UBE4B: variants seen among roughly 807,000 people sequenced by gnomAD.
The protein encoded by UBE4B is ubiquitination factor E4B, also known as ubiquitin conjugation factor E4 B.
Under a neutral mutation model 148.1 loss-of-function variants are expected in UBE4B, and 27 were observed. The observed-to-expected ratio is 0.18, with a 90% confidence interval of 0.13 to 0.25. The LOEUF (loss-of-function observed/expected upper bound fraction) is 0.25. Among genes scored for constraint, UBE4B ranks in the 10% least tolerant of loss-of-function variants. The pLI, the probability that UBE4B is intolerant of heterozygous loss-of-function variation, is 1.00. For missense variants in UBE4B, 1,170 were observed against 1,662.4 expected (o/e 0.70, Z 5.15); for synonymous variants, 596 against 619.3 (o/e 0.96, Z 0.56).
At chr1:10,174,471 C>T (rs11121525) in intron 25 of UBE4B, among the ~76,000 whole-genome samples, 33,991 of 150,368 alleles carry the variant, frequency 0.23, 5,962 homozygotes, top group African/African-American at 0.49. Flanking sequence ...GGAGCCGAGG[C>T]GGGCAGATCA....
At chr1:10,178,147 C>G (rs1646454027) in intron 25 of UBE4B, among the ~76,000 whole-genome samples, 1 of 152,096 alleles carries the variant, frequency 6.6e-6, no homozygotes, top group Non-Finnish European at 1.5e-5. Context: ...TGAAAGTGAA[C>G]AGGAGAAGGC....
intron 25 of UBE4B, among the ~76,000 whole-genome samples, chr1:10,177,116 AG>A (rs935928631): frequency 6.6e-6 from 1 of 151,938 alleles, no homozygotes; most frequent in African/African-American, 2.4e-5. Context: ...TCTGGATGCT[AG>A]GTCATATCAG....
At chr1:10,043,841 C>A (rs1244884538) in intron 1 of UBE4B, among the ~76,000 whole-genome samples, 1 of 152,072 alleles carries the variant, frequency 6.6e-6, no homozygotes, top group Non-Finnish European at 1.5e-5. Context: ...ATGTAATCAC[C>A]CCTTCAGTTG....
At position 10,126,902 on chromosome 1, in the gene UBE4B, A is replaced by G. The variant is rs371064908; in HGVS notation, c.1638+25A>G. 5.2e-5 allele frequency: 82 copies of G among 1,565,614 alleles called. No homozygotes were observed. In the African/African-American group the frequency reaches 7.2e-4, roughly 14 times the overall value. On this transcript the variant is annotated intron_variant, in intron 11 of 27. Coordinates refer to ENST00000343090, the MANE Select transcript of UBE4B (RefSeq NM_001105562.3). ...GGTAAAACTTTGTTCTTTTTCTTTA[A>G]CTCATTCAATAGATGTTTTTCTTTC...
chr1:10,062,106 C>G (rs548024713), intron 1 of UBE4B, among the ~76,000 whole-genome samples: 10 of 151,234 alleles, frequency 6.6e-5, no homozygotes, highest in African/African-American at 2.4e-4. Context: ...GACGGTGTTT[C>G]ACCATGTTGG....
rs1409525490 is a variant in UBE4B at position 10,161,883 on chromosome 1, C to CT, written c.3198+599dup. 7.9e-5 allele frequency among the ~76,000 whole-genome samples: 12 copies of CT among 152,200 alleles called. No homozygotes were observed. The South Asian group carries it at 2.3e-3, about 29-fold the overall frequency. On this transcript the variant is annotated intron_variant, in intron 23 of 27. Coordinates refer to ENST00000343090, the MANE Select transcript of UBE4B (RefSeq NM_001105562.3). The surrounding 1 kb of genome is among the most constrained non-coding windows in gnomAD (Gnocchi z 4.1). ...GGCCCTTGACAGTTGCTGGTGACTT[C>CT]TTAGATTGGCTTAGGTTTATTGATT... is the stretch of plus-strand genomic sequence containing the variant.
At chr1:10,063,711 C>T (rs1448701172) in intron 1 of UBE4B, among the ~76,000 whole-genome samples, 3 of 152,044 alleles carry the variant, frequency 2.0e-5, no homozygotes, top group African/African-American at 7.2e-5. Context: ...AGTTTGAGAC[C>T]AGCCTGGCCA....
intron 2 of UBE4B, among the ~76,000 whole-genome samples, chr1:10,087,109 G>A (rs996832465): frequency 2.0e-5 from 3 of 152,184 alleles, no homozygotes; most frequent in Non-Finnish European, 2.9e-5. Flanking sequence ...ACGCATACAG[G>A]TGTATCTATA....
intron 20 of UBE4B, among the ~76,000 whole-genome samples, chr1:10,149,899 A>T (rs1190848972): frequency 6.6e-6 from 1 of 152,192 alleles, no homozygotes; most frequent in African/African-American, 2.4e-5. Flanking sequence ...TCATGCTTGT[A>T]GTCCCAGACA....
intron 1 of UBE4B, among the ~76,000 whole-genome samples, chr1:10,051,648 C>G (rs75675743): frequency 0.018 from 2,676 of 152,106 alleles, 33 homozygotes; most frequent in Non-Finnish European, 0.027. Flanking sequence ...CCTGAATGTA[C>G]TAAGAGGGTG....
rs371276917 is a variant in UBE4B at position 10,106,544 on chromosome 1, C to T, written c.1157C>T (p.Ala386Val). The change falls in exon 7 of 28, where the codon GCC becomes GTC. Residue 386 changes from alanine (A) to valine (V), a missense_variant. Around this residue, in one of 6 missense-constraint regions of UBE4B, gnomAD observed 214 missense variants for 209.1 expected, o/e 1.02. Transcript: ENST00000343090. The surrounding 1 kb of genome is among the most constrained non-coding windows in gnomAD (Gnocchi z 4.2). ...CCCCTACCACCCGCCTCACCCAGTG[C>T]CACGAGCAGACGCCCCTCCTCCCTG... Reference protein sequence around the residue: ...GPPLPPASPSATSRRPSSLRI... With the variant: ...GPPLPPASPSVTSRRPSSLRI... 6.3e-7 allele frequency: 1 copy of T among 1,593,958 alleles called. No homozygotes were observed. The highest frequency in any genetic ancestry group is 2.2e-5 in the East Asian group (1 of 44,816).
chr1:10,137,071 C>G lies in UBE4B; in HGVS notation c.2229C>G (p.Gly743=), dbSNP rs371708780. Residue 743 remains glycine (G), a synonymous_variant, in exon 17 of 28, where the codon GGC becomes GGG. Coordinates refer to ENST00000343090, the MANE Select transcript of UBE4B (RefSeq NM_001105562.3). ...GAATGATGTTATTTTTCCTAGATGGCGATCAGCCTCCATTTTCTGAGCCGA... is the reference window on the plus strand; with the variant it reads ...GAATGATGTTATTTTTCCTAGATGGGGATCAGCCTCCATTTTCTGAGCCGA... ...DVNDWLTELY[G]DQPPFSEPKF... 4 of 1,614,036 alleles carry G rather than the reference C, an allele frequency of 2.5e-6. No individual in the cohort carries two copies. The East Asian group carries it at 8.9e-5, about 36-fold the overall frequency.
At chr1:10,175,595 G>A (rs924400100) in intron 25 of UBE4B, among the ~76,000 whole-genome samples, 6 of 152,034 alleles carry the variant, frequency 3.9e-5, no homozygotes, top group South Asian at 2.1e-4. Flanking sequence ...AGCTTGCAGT[G>A]AGCCGAGATC....
At chr1:10,060,688 C>T (rs889445932) in intron 1 of UBE4B, among the ~76,000 whole-genome samples, 3 of 152,154 alleles carry the variant, frequency 2.0e-5, no homozygotes, top group African/African-American at 7.2e-5. Flanking sequence ...CATTCTTTAA[C>T]ACCTTGACTT....
At chr1:10,147,796 T>A (rs769164247) in intron 19 of UBE4B, among the ~76,000 whole-genome samples, 7 of 152,194 alleles carry the variant, frequency 4.6e-5, no homozygotes, top group Non-Finnish European at 8.8e-5. Context: ...CACTTTGTCA[T>A]CAACTGGTCA....
chr1:10,147,722 C>A (rs903767053), intron 19 of UBE4B, among the ~76,000 whole-genome samples: 13 of 152,128 alleles, frequency 8.5e-5, no homozygotes, highest in Non-Finnish European at 1.9e-4. Flanking sequence ...ATATTAGGCC[C>A]TCCTAAGCAC....
chr1:10,173,520 C>T (rs1428632019), intron 25 of UBE4B, among the ~76,000 whole-genome samples: 1 of 151,574 alleles, frequency 6.6e-6, no homozygotes, highest in Non-Finnish European at 1.5e-5. Flanking sequence ...CACACACACA[C>T]ACAAACACTG....
intron 21 of UBE4B, 96 bp from the exon 22 acceptor site, chr1:10,158,260 A>T (rs1271187260): frequency 2.1e-6 from 3 of 1,432,606 alleles, no homozygotes; most frequent in Non-Finnish European, 9.4e-7. Flanking sequence ...CTGATTTTGC[A>T]GGTTTACATT....
chr1:10,166,753 A>T (rs1179307976), intron 23 of UBE4B, among the ~76,000 whole-genome samples: 1 of 151,456 alleles, frequency 6.6e-6, no homozygotes, highest in Non-Finnish European at 1.5e-5. Context: ...GCGAAACCCC[A>T]ATCTTTACCA....
Sources: gnomAD v4.1 joint callset for allele counts (sites outside exome capture counted in the v4.1 genomes callset) on GRCh38, gnomAD v4.1.1 for gene constraint, gnomAD v4.1.1 regional missense constraint, Gnocchi (gnomAD v3.1) non-coding constraint, MANE v1.5 for transcripts, NCBI Gene and HGNC (gene_info 2026-07-23, HGNC 2026-07-21) for gene names.